Variants in SH3PXD2A observed in about 807,000 individuals in gnomAD.
SH3PXD2A encodes the protein SH3 and PX domain-containing protein 2A.
SH3PXD2A carries 32 observed loss-of-function variants against 115.2 expected under a neutral mutation model. The ratio of observed to expected loss-of-function variants is 0.28; its 90% confidence interval spans 0.21 to 0.37. The LOEUF is 0.37. SH3PXD2A is among the 10% of genes least tolerant of loss of function. The probability of loss-of-function intolerance (pLI) is 1.00; values close to 1 mark genes in which losing one functional copy is unlikely to be tolerated. For missense variants in SH3PXD2A, 1,328 were observed against 1,498.7 expected, an observed-to-expected ratio of 0.89 and a Z score of 1.88; for synonymous variants, 610 against 629.1, an observed-to-expected ratio of 0.97 and a Z score of 0.45.
Position 103,627,848 on chromosome 10 carries a change from G to A in SH3PXD2A, c.605-646C>T, listed in dbSNP as rs2036721172. 6.6e-6 allele frequency among the ~76,000 whole-genome samples: 1 copy of A among 152,154 alleles called. No homozygotes were observed. Among genetic ancestry groups the A allele is most frequent in the Non-Finnish European group, 1.5e-5 (1 of 68,032 alleles). ...AAGTCCTCTGAGCACCCAGGTCTTG[G>A]GACTCCACTAACTGCCTTTGGTCCC... On this transcript the variant is annotated intron_variant, in intron 8 of 14. Transcript: ENST00000369774. The surrounding 1 kb of genome is among the most constrained non-coding windows in gnomAD (Gnocchi z 4.4).
chr10:103,845,238 C>T (rs902286250), intron 1 of SH3PXD2A, among the ~76,000 whole-genome samples: 9 of 147,856 alleles, frequency 6.1e-5, no homozygotes, highest in Non-Finnish European at 1.3e-4. Flanking sequence ...AGCCGAGGCA[C>T]GAGAATCACT....
chr10:103,813,159 A>G lies in SH3PXD2A; in HGVS notation c.73-11797T>C, dbSNP rs2039288919. On this transcript the variant is annotated intron_variant, in intron 1 of 14. Coordinates refer to ENST00000369774, the MANE Select transcript of SH3PXD2A (RefSeq NM_001394015.1). ...CTATGTATACCATATGATTAAATCT[A>G]TCTGGGGGATGGATTGTATGGGGGG... is the stretch of plus-strand genomic sequence containing the variant. 2.0e-5 allele frequency among the ~76,000 whole-genome samples: 3 copies of G among 152,220 alleles called. 1 individual carries two copies. Among genetic ancestry groups the G allele is most frequent in the Admixed American group, 2.0e-4 (3 of 15,284 alleles).
intron 1 of SH3PXD2A, among the ~76,000 whole-genome samples, chr10:103,832,370 G>GAAAAAAAAAAAAAAA (rs58886791): frequency 9.4e-5 from 12 of 128,036 alleles, no homozygotes; most frequent in Non-Finnish European, 1.8e-4. Context: ...AACCTAAAAA[G>GAAAAAAAAAAAAAAA]AAAAAAAAAA....
At chr10:103,675,763 C>A (rs1242688201) in intron 6 of SH3PXD2A, among the ~76,000 whole-genome samples, 2 of 152,206 alleles carry the variant, frequency 1.3e-5, no homozygotes, top group Admixed American at 6.5e-5. Flanking sequence ...AAGGCTCTGG[C>A]CTTGTGCGGT....
chr10:103,603,152 G>C lies in SH3PXD2A; in HGVS notation c.2066C>G (p.Ser689Cys). The change falls in exon 15 of 15, where the codon TCC becomes TGC. Residue 689 changes from serine to cysteine, a missense_variant. By Grantham distance (112) the Ser-to-Cys change is moderately radical. Coordinates refer to ENST00000369774, the MANE Select transcript of SH3PXD2A (RefSeq NM_001394015.1). ...GTTGATGGTGATGGATGAGGAAAAG[G>C]AGGCTGAGGAGTGGTTCTTCCCCAT... ...AEMGKNHSSA[S>C]FSSSITINTT... The C allele has an allele frequency of 6.2e-7, 1 of 1,613,800 alleles. No individual in the cohort carries two copies. Among genetic ancestry groups the C allele is most frequent in the Non-Finnish European group, 8.5e-7 (1 of 1,180,004 alleles).
intron 4 of SH3PXD2A, among the ~76,000 whole-genome samples, chr10:103,734,334 C>T (rs2038355926): frequency 6.6e-6 from 1 of 152,174 alleles, no homozygotes; most frequent in South Asian, 2.1e-4. Flanking sequence ...GCCAATGGTG[C>T]CCAGTAGAAA....
rs2037460694 is a variant in SH3PXD2A, at chr10:103,671,607, C to A, written c.428-2955G>T. On this transcript the variant is annotated intron_variant, in intron 6 of 14. Transcript: ENST00000369774. ...TCTCTAGCCCACCCTAGCAAGCTCT[C>A]GAGGGGTGGGAAGGACCCCTTCTCC... 2.0e-5 allele frequency among the ~76,000 whole-genome samples: 3 copies of A among 152,200 alleles called. No homozygotes were observed. In the South Asian group the frequency reaches 6.2e-4, roughly 32 times the overall value.
intron 1 of SH3PXD2A, among the ~76,000 whole-genome samples, chr10:103,803,754 A>G (rs1038651231): frequency 6.6e-6 from 1 of 152,226 alleles, no homozygotes; most frequent in African/African-American, 2.4e-5. Context: ...AGTCTCAATC[A>G]GTTTAGAAAG....
intron 9 of SH3PXD2A, among the ~76,000 whole-genome samples, chr10:103,625,417 G>A (rs1006499659): frequency 1.3e-5 from 2 of 152,228 alleles, no homozygotes; most frequent in Admixed American, 1.3e-4. Context: ...CAAAGGAGGT[G>A]GACTAGGGTC....
intron 5 of SH3PXD2A, among the ~76,000 whole-genome samples, chr10:103,694,696 G>A (rs944454067): frequency 5.9e-5 from 9 of 152,212 alleles, no homozygotes; most frequent in Non-Finnish European, 8.8e-5. Flanking sequence ...CAGAGGTTCA[G>A]CCATTGCCGA....
At chr10:103,766,668 T>C (rs991305906) in intron 3 of SH3PXD2A, among the ~76,000 whole-genome samples, 1 of 152,210 alleles carries the variant, frequency 6.6e-6, no homozygotes, top group East Asian at 1.9e-4. Flanking sequence ...AAGCCTCCTC[T>C]TCCATATAAG....
intron 3 of SH3PXD2A, 41 bp downstream of exon 3, chr10:103,767,053 C>G: frequency 6.7e-7 from 1 of 1,500,278 alleles, no homozygotes; most frequent in Non-Finnish European, 9.3e-7. Flanking sequence ...TGGTCCTTCC[C>G]GGGTATCCCC....
chr10:103,718,310 C>T (rs138286185), intron 5 of SH3PXD2A, among the ~76,000 whole-genome samples: 16 of 152,308 alleles, frequency 1.1e-4, no homozygotes, highest in East Asian at 5.8e-4. Flanking sequence ...AGCCACCGCA[C>T]GGGGCCAAGG....
intron 5 of SH3PXD2A, among the ~76,000 whole-genome samples, chr10:103,715,361 A>G (rs2038093298): frequency 6.6e-6 from 1 of 152,200 alleles, no homozygotes; most frequent in African/African-American, 2.4e-5. Flanking sequence ...ACTGCAGTTA[A>G]TTTAACTCAA....
chr10:103,652,715 G>A (rs902994), intron 8 of SH3PXD2A, among the ~76,000 whole-genome samples: 1 of 152,070 alleles, frequency 6.6e-6, no homozygotes, highest in Non-Finnish European at 1.5e-5. Context: ...AGCCGGGGAG[G>A]GGGGTGAGAG....
chr10:103,632,618 A>C (rs2036797149), intron 8 of SH3PXD2A, among the ~76,000 whole-genome samples: 1 of 152,288 alleles, frequency 6.6e-6, no homozygotes, highest in East Asian at 1.9e-4. Flanking sequence ...ATCTTTGCTC[A>C]GTGGAGTGCC....
chr10:103,642,062 C>G (rs1273884148), intron 8 of SH3PXD2A, among the ~76,000 whole-genome samples: 1 of 152,092 alleles, frequency 6.6e-6, no homozygotes, highest in East Asian at 1.9e-4. Context: ...TACTTAATAC[C>G]CCCAATGACC....
chr10:103,645,985 A>G (rs1219695457), intron 8 of SH3PXD2A, among the ~76,000 whole-genome samples: 2 of 152,246 alleles, frequency 1.3e-5, no homozygotes, highest in Admixed American at 6.5e-5. Context: ...TAACTGTAAA[A>G]TAGGCATCAC....
At chr10:103,842,220 C>CA (rs1554929487) in intron 1 of SH3PXD2A, among the ~76,000 whole-genome samples, 3 of 147,858 alleles carry the variant, frequency 2.0e-5, no homozygotes, top group South Asian at 2.2e-4. Context: ...ATTCAACCCC[C>CA]ATCTCATACA....
Sources: gnomAD v4.1 joint callset for allele counts (sites outside exome capture counted in the v4.1 genomes callset) on GRCh38, gnomAD v4.1.1 for gene constraint, Gnocchi (gnomAD v3.1) non-coding constraint, MANE v1.5 for transcripts, NCBI Gene and HGNC (gene_info 2026-07-23, HGNC 2026-07-21) for gene names.